Variants in ALMS1 observed in about 807,000 individuals in gnomAD.
ALMS1 encodes ALMS1 centrosome and basal body associated protein.
Under a neutral mutation model 352.2 loss-of-function variants are expected in ALMS1, and 271 were observed. That is an observed-to-expected ratio of 0.77 (90% confidence interval 0.70 to 0.85). ALMS1 has a LOEUF of 0.85. Among genes scored for constraint, ALMS1 ranks in the 40% least tolerant of loss-of-function variants. The pLI is 0.00. For missense variants in ALMS1, 5,445 were observed against 4,870.7 expected (o/e 1.12, Z -3.51); for synonymous variants, 1,865 against 1,761.2 (o/e 1.06, Z -1.48).
chr2:73,530,449 C>T lies in ALMS1; in HGVS notation c.9782-4375C>T, dbSNP rs966120697. Among the ~76,000 whole-genome samples the T allele has an allele frequency of 4.6e-5, 7 of 152,236 alleles. No individual in the cohort carries two copies. In the East Asian group the frequency reaches 1.3e-3, roughly 29 times the overall value. ...CATGCTGATGCAAGGGGTTGGCTCC[C>T]ACAGCCTTGGGCAGCTCCACCCCTG... On this transcript the variant is annotated intron_variant, in intron 11 of 22. Transcript: ENST00000613296.
rs1446915143 is a variant in ALMS1 at position 73,448,682 on chromosome 2, A to G, written c.2155A>G (p.Arg719Gly). The G allele has an allele frequency of 1.9e-6, 3 of 1,605,238 alleles. No individual in the cohort carries two copies. The East Asian group carries it at 6.7e-5, about 36-fold the overall frequency. ...ATVLSTPHSH[R>G]EKPGIFYQQE... ...AGTACTCTCTACTCCCCACTCACAT[A>G]GAGAGAAGCCTGGTATTTTTTACCA... Residue 719 changes from arginine to glycine, a missense_variant, in exon 8 of 23, where the codon AGA (arginine) becomes GGA (glycine). Physicochemically the swap from Arg to Gly is moderately radical, Grantham distance 125. Coordinates refer to ENST00000613296, the MANE Select transcript of ALMS1 (RefSeq NM_001378454.1).
Position 73,426,485 on chromosome 2 carries a change from A to G in ALMS1, c.1270A>G (p.Ile424Val), listed in dbSNP as rs775981299. 7 of 1,614,156 alleles carry G rather than the reference A, an allele frequency of 4.3e-6. No homozygotes were observed. Among genetic ancestry groups the G allele is most frequent in the Admixed American group, 1.7e-5 (1 of 60,020 alleles). The part of the protein sequence containing the change: ...GLQGKVESDV[I>V]TLDGLNENAV... ...GCAGGGGAAGGTTGAGTCTGACGTC[A>G]TTACTCTGGATGGCCTAAATGAAAA... The change falls in exon 6 of 23, where the codon ATT (isoleucine) becomes GTT (valine). Residue 424 changes from isoleucine (I) to valine (V), a missense_variant. Transcript: ENST00000613296.
At chr2:73,601,069 C>A in intron 18 of ALMS1, 126 bp from the exon 19 acceptor site, 2 of 1,497,340 alleles carry the variant, frequency 1.3e-6, no homozygotes, top group Non-Finnish European at 9.1e-7. Flanking sequence ...GACTCAAGGG[C>A]ACCCTGTGGC....
intron 9 of ALMS1, among the ~76,000 whole-genome samples, chr2:73,486,334 G>GA (rs1371520343): frequency 1.8e-4 from 28 of 152,292 alleles, no homozygotes; most frequent in African/African-American, 6.7e-4. Context: ...GCAAGGAAGG[G>GA]ATAGCACTTT....
intron 2 of ALMS1, among the ~76,000 whole-genome samples, chr2:73,418,667 A>G (rs1671226700): frequency 6.6e-6 from 1 of 152,228 alleles, no homozygotes; most frequent in Non-Finnish European, 1.5e-5. Flanking sequence ...TTTTTGTAGT[A>G]AAATGAATCT....
chr2:73,490,508 C>T lies in ALMS1; in HGVS notation c.8549C>T (p.Pro2850Leu), dbSNP rs549756480. 1.2e-5 allele frequency: 20 copies of T among 1,614,120 alleles called. No individual in the cohort carries two copies. In the African/African-American group the frequency reaches 2.4e-4, roughly 19 times the overall value. Residue 2850 changes from proline (P) to leucine (L), a missense_variant, in exon 10 of 23, where the codon CCA becomes CTA. By Grantham distance (98) the Pro-to-Leu change is moderately conservative. Transcript: ENST00000613296. The stretch of plus-strand genomic sequence containing the variant: ...CATACCCTTATTAGCATGGGCAGAC[C>T]AAGTTCCACCCTAGGAGTAAACAGA... ...DNHTLISMGR[P>L]SSTLGVNRSS...
chr2:73,603,452 C>CT, intron 21 of ALMS1, 148 bp downstream of exon 21: 8 of 662,502 alleles, frequency 1.2e-5, no homozygotes, highest in African/African-American at 2.5e-5. Context: ...ACTTATGGCA[C>CT]TGAAAAAAAA....
At chr2:73,388,446 T>C (rs1173860072) in intron 1 of ALMS1, among the ~76,000 whole-genome samples, 3 of 152,192 alleles carry the variant, frequency 2.0e-5, no homozygotes, top group African/African-American at 7.2e-5. Flanking sequence ...CTCTCCTCCT[T>C]CTGGAGCCCC....
At chr2:73,455,475 G>A (rs560358787) in intron 9 of ALMS1, among the ~76,000 whole-genome samples, 180 bp downstream of exon 9, 1 of 152,268 alleles carries the variant, frequency 6.6e-6, no homozygotes, top group South Asian at 2.1e-4. Context: ...GCAATCACAG[G>A]TCACTGCAGC....
chr2:73,425,992 G>C (rs1671370694), intron 5 of ALMS1, among the ~76,000 whole-genome samples: 2 of 152,154 alleles, frequency 1.3e-5, no homozygotes, highest in South Asian at 4.1e-4. Context: ...AACACAGTCA[G>C]CTTTATTTCA....
rs555547573 is a variant in ALMS1, at chr2:73,599,398, T to C, written c.11548-3T>C. 1.0e-4 allele frequency: 167 copies of C among 1,612,800 alleles called. No homozygotes were observed. Among genetic ancestry groups the C allele is most frequent in the Non-Finnish European group, 1.3e-4 (157 of 1,179,676 alleles). On this transcript the variant is annotated splice_region_variant and splice_polypyrimidine_tract_variant and intron_variant, in intron 16 of 22. Coordinates refer to ENST00000613296, the MANE Select transcript of ALMS1 (RefSeq NM_001378454.1). The stretch of plus-strand genomic sequence containing the variant: ...AATAACAAGATCTCTTTTATTTTTC[T>C]AGGTAGCAAACCATGTGATTTCTTC...
At chr2:73,601,912 A>G (rs1346108054) in intron 19 of ALMS1, among the ~76,000 whole-genome samples, 3 of 152,196 alleles carry the variant, frequency 2.0e-5, no homozygotes, top group African/African-American at 7.2e-5. Flanking sequence ...CTGTGGGAAG[A>G]GCTGTATTGC....
chr2:73,461,909 A>G (rs1241280738), intron 9 of ALMS1, among the ~76,000 whole-genome samples: 2 of 152,146 alleles, frequency 1.3e-5, no homozygotes, highest in Non-Finnish European at 2.9e-5. Flanking sequence ...TAGAGAAAAA[A>G]GAATAAAAAG....
chr2:73,481,006 T>A (rs1672690992), intron 9 of ALMS1, among the ~76,000 whole-genome samples: 2 of 150,836 alleles, frequency 1.3e-5, no homozygotes, highest in African/African-American at 4.9e-5. Context: ...GTTGCGAAAA[T>A]TTTCTCCCAT....
Position 73,603,138 on chromosome 2 carries a change from A to G in ALMS1, c.12299-103A>G. 3.7e-6 allele frequency: 4 copies of G among 1,068,434 alleles called. No homozygotes were observed. The South Asian group carries it at 5.2e-5, about 14-fold the overall frequency. The allele number at this position is 1,068,434 out of a possible 1,614,324, so 66.2% of individuals were successfully genotyped here. On this transcript the variant is annotated intron_variant, in intron 20 of 22. Coordinates refer to ENST00000613296, the MANE Select transcript of ALMS1 (RefSeq NM_001378454.1). ...GCTCCCCACTCAGTCTTGCCAGCTC[A>G]GGGTAGGGGCACCAAGTCCTAGCAG...
chr2:73,398,209 G>T (rs905743193), intron 1 of ALMS1, among the ~76,000 whole-genome samples: 2 of 152,184 alleles, frequency 1.3e-5, no homozygotes, highest in African/African-American at 4.8e-5. Context: ...GCATGTAAAT[G>T]TCCAGTTGTT....
Position 73,453,742 on chromosome 2 carries a change from C to A in ALMS1, c.7215C>A (p.Ile2405=). 1 of 1,614,090 alleles carries A rather than the reference C, an allele frequency of 6.2e-7. No homozygotes were observed. Among genetic ancestry groups the A allele is most frequent in the Non-Finnish European group, 8.5e-7 (1 of 1,179,992 alleles). ...CSGTIGNKII[I]PMMTVIKSDS... ...GAACCATTGGGAATAAAATTATTAT[C>A]CCTATGATGACTGTCATAAAAAGTG... Residue 2405 remains isoleucine, a synonymous_variant, in exon 8 of 23, where the codon ATC becomes ATA. Coordinates refer to ENST00000613296, the MANE Select transcript of ALMS1 (RefSeq NM_001378454.1).
At chr2:73,481,840 T>G (rs868462888) in intron 9 of ALMS1, among the ~76,000 whole-genome samples, 3 of 151,346 alleles carry the variant, frequency 2.0e-5, no homozygotes, top group Middle Eastern at 3.4e-3. Context: ...TTTGAAGCAA[T>G]TGTGAATGGG....
chr2:73,606,806 G>C (rs530975412), intron 21 of ALMS1, among the ~76,000 whole-genome samples: 5 of 152,282 alleles, frequency 3.3e-5, no homozygotes, highest in African/African-American at 1.2e-4. Context: ...TTAAGGATTT[G>C]TGTCTCTGGA....
Sources: gnomAD v4.1 joint callset for allele counts (sites outside exome capture counted in the v4.1 genomes callset) on GRCh38, gnomAD v4.1.1 for gene constraint, MANE v1.5 for transcripts, NCBI Gene and HGNC (gene_info 2026-07-23, HGNC 2026-07-21) for gene names.